Variants in ROR2 observed in about 807,000 individuals in gnomAD.
The protein encoded by ROR2 is tyrosine-protein kinase transmembrane receptor ROR2.
In ROR2, 33 loss-of-function variants were observed where a neutral mutation model predicts 74.9. That is an observed-to-expected ratio of 0.44 (90% CI 0.33 to 0.59). The LOEUF (loss-of-function observed/expected upper bound fraction) is 0.59, where lower values mean the gene tolerates loss of function less well. Among genes scored for constraint, ROR2 ranks in the 20% least tolerant of loss-of-function variants. The pLI, the probability that ROR2 is intolerant of heterozygous loss-of-function variation, is 0.02. For missense variants in ROR2, 1,216 were observed against 1,313.8 expected (o/e 0.93, Z 1.15); for synonymous variants, 586 against 558.7 (o/e 1.05, Z -0.69).
intron 1 of ROR2, among the ~76,000 whole-genome samples, chr9:91,931,378 A>G (rs965196526): frequency 6.6e-6 from 1 of 152,218 alleles, no homozygotes; most frequent in African/African-American, 2.4e-5. Context: ...AGGCTCTGTC[A>G]TGAATATATG....
chr9:91,743,783 CTA>C (rs1825320759), intron 4 of ROR2, among the ~76,000 whole-genome samples: 1 of 152,166 alleles, frequency 6.6e-6, no homozygotes, highest in Non-Finnish European at 1.5e-5. Flanking sequence ...CCACTGCACT[CTA>C]TATTTGAAAA....
chr9:91,739,580 G>C (rs1825150231), intron 4 of ROR2, among the ~76,000 whole-genome samples: 1 of 149,250 alleles, frequency 6.7e-6, no homozygotes, highest in African/African-American at 2.5e-5. Context: ...ATCCCTATCT[G>C]AACTCTCTTG....
intron 4 of ROR2, among the ~76,000 whole-genome samples, chr9:91,746,070 G>A (rs568324596): frequency 2.7e-5 from 4 of 150,554 alleles, no homozygotes; most frequent in African/African-American, 4.9e-5. Context: ...TTTTTTGTTT[G>A]TTTATTTATT....
At chr9:91,766,063 T>C (rs567375207) in intron 2 of ROR2, among the ~76,000 whole-genome samples, 1 of 152,334 alleles carries the variant, frequency 6.6e-6, no homozygotes, top group African/African-American at 2.4e-5. Flanking sequence ...AAGTGTAGCA[T>C]TTATGTTCCC....
chr9:91,894,517 G>A (rs2119407039), intron 1 of ROR2, among the ~76,000 whole-genome samples: 1 of 152,314 alleles, frequency 6.6e-6, no homozygotes, highest in African/African-American at 2.4e-5. Context: ...ATGTGAGCAG[G>A]CACATTCGAG....
At chr9:91,939,021 C>T (rs1256482145) in intron 1 of ROR2, among the ~76,000 whole-genome samples, 1 of 152,050 alleles carries the variant, frequency 6.6e-6, no homozygotes, top group African/African-American at 2.4e-5. Flanking sequence ...GAGGCCAAGG[C>T]GGGTGGATCA....
Position 91,723,598 on chromosome 9 carries a change from T to C in ROR2, c.*64A>G, listed in dbSNP as rs2118602903. 6.3e-7 allele frequency: 1 copy of C among 1,592,068 alleles called. No individual in the cohort carries two copies. The highest frequency in any genetic ancestry group is 8.5e-7 in the Non-Finnish European group (1 of 1,171,770). On this transcript the variant is annotated 3_prime_UTR_variant, in exon 9 of 9. Transcript: ENST00000375708. ...GCTGAGTATGGTGTCTTCTCAAAGG[T>C]GACTGAGGTCCCTGTGGGGTCTCGG...
intron 1 of ROR2, among the ~76,000 whole-genome samples, chr9:91,922,009 T>C (rs1288150833): frequency 2.0e-5 from 3 of 148,730 alleles, no homozygotes; most frequent in African/African-American, 7.4e-5. Flanking sequence ...TCATCATTAG[T>C]CACTGGGAAA....
chr9:91,904,761 C>T (rs1312314459), intron 1 of ROR2, among the ~76,000 whole-genome samples: 2 of 152,184 alleles, frequency 1.3e-5, no homozygotes, highest in Middle Eastern at 3.2e-3. Context: ...TCGACTCTGC[C>T]ACCCGTGGCC....
chr9:91,812,661 G>C (rs1163092636), intron 1 of ROR2, among the ~76,000 whole-genome samples: 1 of 151,198 alleles, frequency 6.6e-6, no homozygotes, highest in Non-Finnish European at 1.5e-5. Flanking sequence ...CTGTGCTATT[G>C]GTGGAGAGAA....
chr9:91,749,653 C>G (rs1005856957), intron 4 of ROR2, among the ~76,000 whole-genome samples: 8 of 152,122 alleles, frequency 5.3e-5, no homozygotes, highest in Admixed American at 2.6e-4. Flanking sequence ...GCTATAGGGA[C>G]AAAACAGCCT....
At chr9:91,773,781 C>T (rs995116550) in intron 2 of ROR2, among the ~76,000 whole-genome samples, 5 of 152,202 alleles carry the variant, frequency 3.3e-5, no homozygotes, top group African/African-American at 7.2e-5. Context: ...CACTGGGCTT[C>T]GCACACACTT....
At chr9:91,760,796 A>G (rs990618549) in intron 2 of ROR2, among the ~76,000 whole-genome samples, 9 of 152,182 alleles carry the variant, frequency 5.9e-5, no homozygotes, top group Non-Finnish European at 1.0e-4. Flanking sequence ...CCACTTCATG[A>G]TATTGAGAAA....
intron 2 of ROR2, among the ~76,000 whole-genome samples, chr9:91,770,612 T>C (rs1039461364): frequency 5.9e-5 from 9 of 152,218 alleles, no homozygotes; most frequent in African/African-American, 1.9e-4. Context: ...GCCCAGTCTG[T>C]AGATTCAGAA....
intron 4 of ROR2, among the ~76,000 whole-genome samples, chr9:91,750,535 C>T (rs1825566726): frequency 6.6e-6 from 1 of 152,206 alleles, no homozygotes; most frequent in Non-Finnish European, 1.5e-5. Context: ...GGCACTTCAG[C>T]GCCACGCCTG....
intron 1 of ROR2, among the ~76,000 whole-genome samples, chr9:91,786,352 A>AATC (rs1564275660): frequency 9.1e-5 from 7 of 77,346 alleles, no homozygotes; most frequent in Admixed American, 1.8e-4. Context: ...ATCAATCAAT[A>AATC]AGTAAATAAA....
intron 1 of ROR2, among the ~76,000 whole-genome samples, chr9:91,846,688 T>TG (rs1828945175): frequency 2.0e-5 from 3 of 152,048 alleles, no homozygotes; most frequent in Admixed American, 6.5e-5. Flanking sequence ...TTTCGAGTCT[T>TG]GCCTGTACCC....
intron 1 of ROR2, among the ~76,000 whole-genome samples, chr9:91,795,869 T>C (rs544300848): frequency 6.6e-6 from 1 of 152,238 alleles, no homozygotes; most frequent in African/African-American, 2.4e-5. Flanking sequence ...TGAATGTACA[T>C]ACAGGTGGGA....
chr9:91,896,146 T>G (rs1472491753), intron 1 of ROR2, among the ~76,000 whole-genome samples: 2 of 152,226 alleles, frequency 1.3e-5, no homozygotes, highest in South Asian at 2.1e-4. Context: ...AAATCTGTCT[T>G]CCTTCCTCTA....
Sources: gnomAD v4.1 joint callset for allele counts (sites outside exome capture counted in the v4.1 genomes callset) on GRCh38, gnomAD v4.1.1 for gene constraint, MANE v1.5 for transcripts, NCBI Gene and HGNC (gene_info 2026-07-23, HGNC 2026-07-21) for gene names.